Variants in ZFAT observed in about 807,000 individuals in gnomAD.
The protein encoded by ZFAT is zinc finger and AT-hook domain containing.
Under a neutral mutation model 117.7 loss-of-function variants are expected in ZFAT, and 64 were observed. The ratio of observed to expected loss-of-function variants is 0.54; its 90% CI spans 0.44 to 0.67. The LOEUF (loss-of-function observed/expected upper bound fraction) is 0.67. ZFAT is among the 30% of genes least tolerant of loss of function. ZFAT has a pLI of 0.00. For synonymous variants in ZFAT, 679 were observed against 615.0 expected (o/e 1.10, Z -1.54); for missense variants, 1,433 against 1,584.5 (o/e 0.90, Z 1.62).
At chr8:134,581,351 GAAAT>G (rs1256558696) in intron 10 of ZFAT, among the ~76,000 whole-genome samples, 1 of 152,156 alleles carries the variant, frequency 6.6e-6, no homozygotes, top group African/African-American at 2.4e-5. Flanking sequence ...CTGGAATTTA[GAAAT>G]AAAGCTGTAC....
At chr8:134,621,667 T>C (rs1752666978) in intron 3 of ZFAT, among the ~76,000 whole-genome samples, 1 of 152,210 alleles carries the variant, frequency 6.6e-6, no homozygotes, top group South Asian at 2.1e-4. Flanking sequence ...TCCTGCTTTT[T>C]AGGCAATCTC....
rs1450438614 is a variant in ZFAT, at chr8:134,601,914, T to A, written c.1805A>T (p.Asp602Val). ...AGCATGAGCCTCTGCGGAGGAGGTATCATTTTTCAACAAAAAATCATCTGA... is the reference window on the plus strand; with the variant it reads ...AGCATGAGCCTCTGCGGAGGAGGTAACATTTTTCAACAAAAAATCATCTGA... ...VVSDDFLLKN[D>V]TSSAEAHAAP... The change falls in exon 6 of 16, where the codon GAT becomes GTT. Residue 602 changes from aspartate (D) to valine (V), a missense_variant. Asp to Val is a radical substitution (Grantham distance 152). Around this residue, in one of 5 missense-constraint regions of ZFAT, gnomAD observed 372 missense variants for 355.6 expected, o/e 1.05. Coordinates refer to ENST00000377838, the MANE Select transcript of ZFAT (RefSeq NM_020863.4). 2 of 1,614,130 alleles carry A rather than the reference T, an allele frequency of 1.2e-6. No individual in the cohort carries two copies. The highest frequency in any genetic ancestry group is 1.7e-5 in the Admixed American group (1 of 60,028).
intron 15 of ZFAT, among the ~76,000 whole-genome samples, chr8:134,499,299 C>T: frequency 7.5e-6 from 1 of 133,636 alleles, no homozygotes; most frequent in Non-Finnish European, 1.6e-5. Flanking sequence ...TTGCTGGTTA[C>T]ACACAGAGCC....
At chr8:134,638,652 T>C (rs12678279) in intron 2 of ZFAT, among the ~76,000 whole-genome samples, 59,499 of 149,254 alleles carry the variant, frequency 0.4, 12,087 homozygotes, top group South Asian at 0.6. Flanking sequence ...TGGCGTGAAC[T>C]GGGAGGCAGA....
intron 10 of ZFAT, among the ~76,000 whole-genome samples, chr8:134,575,642 A>C (rs2130814100): frequency 6.6e-6 from 1 of 152,284 alleles, no homozygotes; most frequent in South Asian, 2.1e-4. Context: ...AATGGGGATC[A>C]CTGTTCAAGA....
intron 4 of ZFAT, 73 bp from the exon 5 acceptor site, chr8:134,608,952 G>A: frequency 6.6e-7 from 1 of 1,515,450 alleles, no homozygotes; most frequent in Non-Finnish European, 8.8e-7. Flanking sequence ...GCAGCAGAGG[G>A]GATGGTGCTG....
rs936204659 is a variant in ZFAT at position 134,532,821 on chromosome 8, GC to G, written c.3115+12del. ...AAGCGGGCAGGGCCCCAGCTCGCTG[GC>G]CCCTCGCCTACCTTGCTGGATGAGC... On this transcript the variant is annotated intron_variant, in intron 12 of 15. Transcript: ENST00000377838. 3 of 1,608,600 alleles carry G rather than the reference GC, an allele frequency of 1.9e-6. No homozygotes were observed. In the Admixed American group the frequency reaches 5.0e-5, roughly 27 times the overall value.
intron 7 of ZFAT, among the ~76,000 whole-genome samples, chr8:134,591,338 C>T (rs536678279): frequency 1.1e-4 from 17 of 152,334 alleles, no homozygotes; most frequent in Admixed American, 4.6e-4. Context: ...CCCACTGGGG[C>T]GCAGATAGGT....
chr8:134,588,789 G>A (rs568810354), intron 8 of ZFAT, among the ~76,000 whole-genome samples: 2 of 152,236 alleles, frequency 1.3e-5, no homozygotes, highest in African/African-American at 2.4e-5. Context: ...TGGTTCAAGC[G>A]AACCAACAGT....
intron 11 of ZFAT, among the ~76,000 whole-genome samples, chr8:134,550,310 G>GAAAAAAA (rs10680896): frequency 0.056 from 4,070 of 72,300 alleles, 486 homozygotes; most frequent in East Asian, 0.27. Flanking sequence ...GGTCACAACG[G>GAAAAAAA]AAAAAAAAAA....
chr8:134,712,843 A>G lies in ZFAT; in HGVS notation c.19+2T>C. 7.9e-7 allele frequency: 1 copy of G among 1,259,930 alleles called. No homozygotes were observed. The highest frequency in any genetic ancestry group is 1.0e-6 in the Non-Finnish European group (1 of 985,932). The allele number at this position is 1,259,930 out of a possible 1,614,324, so 78.0% of individuals were successfully genotyped here. On this transcript the variant is annotated splice_donor_variant, in intron 1 of 15. Coordinates refer to ENST00000377838, the MANE Select transcript of ZFAT (RefSeq NM_020863.4). LOFTEE classifies it high-confidence loss of function. ...CTCACCCCAACCCCCAGCCCGGCTC[A>G]CCTGCCGCCCGCGTCTCCATGGCAA...
At chr8:134,628,300 C>T (rs1352794886) in intron 3 of ZFAT, among the ~76,000 whole-genome samples, 1 of 152,106 alleles carries the variant, frequency 6.6e-6, no homozygotes, top group Non-Finnish European at 1.5e-5. Flanking sequence ...GGTGAGGGCA[C>T]AGGACACTGG....
At position 134,520,981 on chromosome 8, in the gene ZFAT, A is replaced by G; in HGVS notation, c.3136T>C (p.Cys1046Arg). 1 of 1,613,882 alleles carries G rather than the reference A, an allele frequency of 6.2e-7. No individual in the cohort carries two copies. Among genetic ancestry groups the G allele is most frequent in the Non-Finnish European group, 8.5e-7 (1 of 1,179,808 alleles). ...CATTTGGTGCCATATACAAAGCTGC[A>G]AACAGGACACTTCAAACCACCTGAA... Reference protein sequence around the residue: ...IQQGGLKCPVCSFVYGTKWEF... With the variant: ...IQQGGLKCPVRSFVYGTKWEF... Residue 1046 changes from cysteine to arginine, a missense_variant, in exon 13 of 16, where the codon TGC becomes CGC. By Grantham distance (180) the Cys-to-Arg change is radical. Coordinates refer to ENST00000377838, the MANE Select transcript of ZFAT (RefSeq NM_020863.4).
the ZFAT span, among the ~76,000 whole-genome samples, chr8:134,771,739 C>T: frequency 6.6e-6 from 1 of 152,222 alleles, no homozygotes; most frequent in Non-Finnish European, 1.5e-5. Context: ...CCCCACTCTA[C>T]TGTACCAATT....
chr8:134,712,911 C>G lies in ZFAT; in HGVS notation c.-48G>C. 6.9e-7 allele frequency: 1 copy of G among 1,456,478 alleles called. No homozygotes were observed. The allele number at this position is 1,456,478 out of a possible 1,614,324, so 90.2% of individuals were successfully genotyped here. A position where few individuals can be genotyped will look rare whatever the true frequency, so the allele number is the denominator to read the frequency against. ...AAAAAAAGCCTCGGGCTCTTCCGGG[C>G]CCCCTCCCGTGCCGACCGAGGGGGC... On this transcript the variant is annotated 5_prime_UTR_variant, in exon 1 of 16. Transcript: ENST00000377838.
chr8:134,730,653 G>A, the ZFAT span, among the ~76,000 whole-genome samples: 7 of 152,168 alleles, frequency 4.6e-5, no homozygotes, highest in African/African-American at 1.7e-4. Context: ...ATCTCTTCAA[G>A]GGTCCCCATG....
intron 15 of ZFAT, among the ~76,000 whole-genome samples, chr8:134,486,201 G>A (rs1003086523): frequency 3.3e-5 from 5 of 152,166 alleles, no homozygotes; most frequent in Non-Finnish European, 5.9e-5. Context: ...CAAAGCTGCC[G>A]CCAACGCAGC....
chr8:134,582,274 C>T (rs1223694516), intron 10 of ZFAT, among the ~76,000 whole-genome samples: 2 of 152,216 alleles, frequency 1.3e-5, no homozygotes, highest in African/African-American at 4.8e-5. Flanking sequence ...AGGCTAAGCC[C>T]AGACTGCAGA....
intron 1 of ZFAT, among the ~76,000 whole-genome samples, chr8:134,658,457 T>C (rs186294195): frequency 3.7e-4 from 57 of 152,292 alleles, no homozygotes; most frequent in Middle Eastern, 6.8e-3. Flanking sequence ...AAGGAAAAGT[T>C]GACCACAATA....
Sources: allele counts gnomAD v4.1 joint callset (sites outside exome capture counted in the v4.1 genomes callset), GRCh38; gene constraint gnomAD v4.1.1; regional missense constraint gnomAD v4.1.1; transcripts MANE v1.5; gene names NCBI Gene and HGNC (gene_info 2026-07-23, HGNC 2026-07-21).